TNFAIP6: variants seen among roughly 807,000 people sequenced by gnomAD.
TNFAIP6 encodes tumor necrosis factor-inducible gene 6 protein.
TNFAIP6 carries 36 observed loss-of-function variants against 33.7 expected under a neutral mutation model. The ratio of observed to expected loss-of-function variants is 1.07; its 90% CI spans 0.82 to 1.41. The LOEUF (loss-of-function observed/expected upper bound fraction) is 1.41. Among genes scored for constraint, TNFAIP6 ranks in the 40% most tolerant of loss-of-function variants. TNFAIP6 has a pLI of 0.00. For missense variants in TNFAIP6, 273 were observed against 331.9 expected (o/e 0.82, Z 1.38); for synonymous variants, 113 against 112.8 (o/e 1.00, Z -0.01).
At position 151,366,047 on chromosome 2, in the gene TNFAIP6, T is replaced by C. The variant is rs376288082; in HGVS notation, c.233-9T>C. On this transcript the variant is annotated splice_polypyrimidine_tract_variant and intron_variant, in intron 2 of 5. Transcript: ENST00000243347. ...CCTGTTTAGTCCATAACTCTTTTTC[T>C]TCTTGCAGGATTTCATGTCTGTGCT... is the stretch of plus-strand genomic sequence containing the variant. 1.9e-5 allele frequency: 30 copies of C among 1,613,820 alleles called. No homozygotes were observed. The highest frequency in any genetic ancestry group is 2.1e-5 in the Non-Finnish European group (25 of 1,179,854).
chr2:151,378,617 A>G (rs1553467702), intron 5 of TNFAIP6, among the ~76,000 whole-genome samples: 1 of 151,512 alleles, frequency 6.6e-6, no homozygotes, highest in Non-Finnish European at 1.5e-5. Context: ...CCTCCCGAGG[A>G]GCTGGGATTA....
chr2:151,364,374 G>T (rs914137889), intron 2 of TNFAIP6, among the ~76,000 whole-genome samples: 3 of 152,156 alleles, frequency 2.0e-5, no homozygotes, highest in African/African-American at 7.2e-5. Context: ...TAATTTCAAT[G>T]CCATTGCTAT....
At chr2:151,366,697 A>G (rs1444693199) in intron 3 of TNFAIP6, among the ~76,000 whole-genome samples, 1 of 152,248 alleles carries the variant, frequency 6.6e-6, no homozygotes, top group Non-Finnish European at 1.5e-5. Context: ...GGGGAAAAGG[A>G]GACAAAGTAA....
chr2:151,378,510 C>T (rs1156276959), intron 5 of TNFAIP6, among the ~76,000 whole-genome samples: 2 of 148,360 alleles, frequency 1.3e-5, no homozygotes, highest in Non-Finnish European at 3.0e-5. Flanking sequence ...TTTTTTGAGA[C>T]GGAGTTTTGC....
In TNFAIP6 at chr2:151,357,863, A is replaced by T; in HGVS notation, c.94+103A>T. On this transcript the variant is annotated intron_variant, in intron 1 of 5. Coordinates refer to ENST00000243347, the MANE Select transcript of TNFAIP6 (RefSeq NM_007115.4). ...ACTTTTTCTATTCTGTACAAGGCTGATGTTCTCAAAGAAAATGCTTAGGAA... is the reference window on the plus strand; with the variant it reads ...ACTTTTTCTATTCTGTACAAGGCTGTTGTTCTCAAAGAAAATGCTTAGGAA... The T allele has an allele frequency of 4.4e-6, 3 of 675,464 alleles. No homozygotes were observed. In the South Asian group the frequency reaches 6.3e-5, roughly 14 times the overall value. 41.8% of individuals were successfully genotyped at this position (675,464 alleles called of 1,614,324 possible). A position where few individuals can be genotyped will look rare whatever the true frequency, so the allele number is the denominator to read the frequency against.
At chr2:151,359,480 C>T (rs1684588335) in intron 1 of TNFAIP6, among the ~76,000 whole-genome samples, 1 of 151,690 alleles carries the variant, frequency 6.6e-6, no homozygotes, top group Non-Finnish European at 1.5e-5. Flanking sequence ...GCTCCGCCTC[C>T]CAGGTTCACG....
intron 1 of TNFAIP6, 131 bp downstream of exon 1, chr2:151,357,891 A>G (rs1163418900): frequency 7.3e-6 from 4 of 550,886 alleles, no homozygotes; most frequent in Non-Finnish European, 1.3e-5. Flanking sequence ...CTTAGGAAAG[A>G]TAGCCTTTGG....
intron 5 of TNFAIP6, among the ~76,000 whole-genome samples, chr2:151,377,238 C>T (rs3899025): frequency 0.25 from 37,047 of 151,024 alleles, 5,245 homozygotes; most frequent in East Asian, 0.39. Flanking sequence ...GGCAGGATCT[C>T]GGCTCACTGC....
chr2:151,372,661 C>T (rs1049193901), intron 4 of TNFAIP6, among the ~76,000 whole-genome samples: 20 of 152,004 alleles, frequency 1.3e-4, no homozygotes, highest in Admixed American at 3.3e-4. Flanking sequence ...GGCTTATGCC[C>T]GTAATCCTAG....
chr2:151,362,711 A>C (rs1018424962), intron 1 of TNFAIP6, among the ~76,000 whole-genome samples: 4 of 151,876 alleles, frequency 2.6e-5, no homozygotes, highest in Non-Finnish European at 5.9e-5. Context: ...AGGATGGTCT[A>C]GATCTCCTGA....
At position 151,373,587 on chromosome 2, in the gene TNFAIP6, C is replaced by G; in HGVS notation, c.662C>G (p.Thr221Arg). ...GAGCTTCCAGATGACATCATCAGTA[C>G]AGGTAAGGTTTTAAATTGAGGACCA... is the stretch of plus-strand genomic sequence containing the variant. ...GDELPDDIISTGNVMTLKFLS... is the reference protein window; with the variant it reads ...GDELPDDIISRGNVMTLKFLS... The change falls in exon 5 of 6, where the codon ACA (threonine) becomes AGA (arginine). Residue 221 changes from threonine (T) to arginine (R), a missense_variant and splice_region_variant. By Grantham distance (71) the Thr-to-Arg change is moderately conservative. Coordinates refer to ENST00000243347, the MANE Select transcript of TNFAIP6 (RefSeq NM_007115.4). 1.3e-6 allele frequency: 2 copies of G among 1,536,338 alleles called. No individual in the cohort carries two copies. The highest frequency in any genetic ancestry group is 2.6e-5 in the South Asian group (2 of 77,964).
chr2:151,375,125 CAAAAAA>C (rs71403161), intron 5 of TNFAIP6, among the ~76,000 whole-genome samples: 11 of 78,912 alleles, frequency 1.4e-4, no homozygotes, highest in Non-Finnish European at 1.8e-4. Flanking sequence ...AACTCCGTCT[CAAAAAA>C]AAAAAAAAAA....
At chr2:151,370,295 T>C in intron 4 of TNFAIP6, 47 bp downstream of exon 4, 1 of 1,384,066 alleles carries the variant, frequency 7.2e-7, no homozygotes, top group Middle Eastern at 1.8e-4. Context: ...GTCCAGTATT[T>C]TGTTTGATGC....
At chr2:151,370,324 A>T in intron 4 of TNFAIP6, 76 bp downstream of exon 4, 2 of 1,058,166 alleles carry the variant, frequency 1.9e-6, no homozygotes, top group Non-Finnish European at 2.9e-6. Context: ...TTTTCCCTCA[A>T]CTGTCCCTAT....
At chr2:151,362,480 CTTTTTTT>C (rs34640251) in intron 1 of TNFAIP6, among the ~76,000 whole-genome samples, 22 of 56,938 alleles carry the variant, frequency 3.9e-4, no homozygotes, top group African/African-American at 1.1e-3. Flanking sequence ...TTACTAAATT[CTTTTTTT>C]TTTTTTTTTT....
At chr2:151,365,234 T>A (rs191567742) in intron 2 of TNFAIP6, among the ~76,000 whole-genome samples, 122 of 152,188 alleles carry the variant, frequency 8.0e-4, no homozygotes, top group Non-Finnish European at 1.4e-3. Flanking sequence ...TCACAGCTAC[T>A]CTAAAGACTG....
intron 4 of TNFAIP6, among the ~76,000 whole-genome samples, chr2:151,370,972 G>T (rs1412548506): frequency 2.0e-5 from 3 of 151,996 alleles, no homozygotes; most frequent in African/African-American, 7.3e-5. Flanking sequence ...TCAGGAGGCT[G>T]AGGCAGGAGA....
At chr2:151,373,649 T>G in intron 5 of TNFAIP6, 60 bp downstream of exon 5, 2 of 991,424 alleles carry the variant, frequency 2.0e-6, no homozygotes, top group Non-Finnish European at 2.9e-6. Flanking sequence ...TCCCTGAAAG[T>G]AAAGGGACAC....
intron 1 of TNFAIP6, among the ~76,000 whole-genome samples, chr2:151,363,408 A>AT (rs1684660141): frequency 6.6e-6 from 1 of 152,010 alleles, no homozygotes; most frequent in Admixed American, 6.5e-5. Flanking sequence ...CTGTAATCCC[A>AT]GCACTTTGGG....
Sources: gnomAD v4.1 joint callset for allele counts (sites outside exome capture counted in the v4.1 genomes callset) on GRCh38, gnomAD v4.1.1 for gene constraint, MANE v1.5 for transcripts, NCBI Gene and HGNC (gene_info 2026-07-23, HGNC 2026-07-21) for gene names.